Variants in APP observed in about 807,000 individuals in gnomAD.
APP encodes amyloid-beta precursor protein.
APP carries 31 observed loss-of-function variants against 101.4 expected under a neutral mutation model. The ratio of observed to expected loss-of-function variants is 0.31; its 90% CI spans 0.23 to 0.41. The LOEUF (loss-of-function observed/expected upper bound fraction) is 0.41. Ranked by LOEUF, APP falls within the 10% of genes least tolerant of loss-of-function variation. The probability of loss-of-function intolerance (pLI) is 1.00; values close to 1 mark genes in which losing one functional copy is unlikely to be tolerated. For missense variants in APP, 839 were observed against 1,003.7 expected, an observed-to-expected ratio of 0.84 and a Z score of 2.22; for synonymous variants, 366 against 364.4, an observed-to-expected ratio of 1.00 and a Z score of -0.05.
intron 6 of APP, among the ~76,000 whole-genome samples, chr21:26,010,790 C>T (rs1390370370): frequency 3.2e-5 from 4 of 124,090 alleles, no homozygotes; most frequent in Non-Finnish European, 6.4e-5. Flanking sequence ...CACTGCCTTC[C>T]AGCCTGGGTG....
chr21:25,933,792 T>C (rs558936885), intron 13 of APP: 92 of 152,216 alleles, frequency 6.0e-4, no homozygotes, highest in African/African-American at 1.9e-3. Flanking sequence ...CAATTAAATG[T>C]TATTATTTTT....
intron 17 of APP, among the ~76,000 whole-genome samples, chr21:25,886,355 A>G (rs777431096): frequency 4.6e-5 from 7 of 152,036 alleles, no homozygotes; most frequent in Non-Finnish European, 1.0e-4. Flanking sequence ...AACATCAAGC[A>G]ATTCTTCAGG....
chr21:26,126,145 G>T (rs1458860625), intron 1 of APP, among the ~76,000 whole-genome samples: 1 of 152,160 alleles, frequency 6.6e-6, no homozygotes, highest in Non-Finnish European at 1.5e-5. Context: ...TCACAAACTT[G>T]TTCAAATAAA....
chr21:26,163,502 A>C (rs2063543904), intron 1 of APP, among the ~76,000 whole-genome samples: 1 of 152,256 alleles, frequency 6.6e-6, no homozygotes, highest in South Asian at 2.1e-4. Context: ...TGTTTGTCCT[A>C]TTTATTCCTC....
At chr21:26,108,777 G>C (rs534420430) in intron 2 of APP, among the ~76,000 whole-genome samples, 1 of 151,978 alleles carries the variant, frequency 6.6e-6, no homozygotes, top group Admixed American at 6.6e-5. Flanking sequence ...CCAGCTACTC[G>C]GGAGGCTGAG....
intron 14 of APP, among the ~76,000 whole-genome samples, chr21:25,906,570 C>G (rs2038801317): frequency 6.6e-6 from 1 of 152,232 alleles, no homozygotes. Flanking sequence ...TGACTATTCT[C>G]TAGTATTTCA....
rs546970594 is a variant in APP, at chr21:25,970,829, C to T, written c.1458+4241G>A. 1.2e-4 allele frequency among the ~76,000 whole-genome samples: 18 copies of T among 152,158 alleles called. No homozygotes were observed. In the South Asian group the frequency reaches 3.5e-3, roughly 30 times the overall value. ...AGTATCTTACGTCTTGGAAGAATGCCACGAGCTCTTTAACGGCTCCTCATG... is the reference window on the plus strand; with the variant it reads ...AGTATCTTACGTCTTGGAAGAATGCTACGAGCTCTTTAACGGCTCCTCATG... On this transcript the variant is annotated intron_variant, in intron 11 of 17. Transcript: ENST00000346798.
chr21:26,112,682 ATT>A, intron 1 of APP, among the ~76,000 whole-genome samples: 1 of 152,322 alleles, frequency 6.6e-6, no homozygotes, highest in East Asian at 1.9e-4. Context: ...TCACTGTAGA[ATT>A]CACCATCCAC....
At chr21:25,967,203 ATTT>A (rs1003613568) in intron 11 of APP, among the ~76,000 whole-genome samples, 1 of 150,054 alleles carries the variant, frequency 6.7e-6, no homozygotes, top group Non-Finnish European at 1.5e-5. Flanking sequence ...AACTGCCAAC[ATTT>A]TTTTTTTGCT....
At chr21:25,970,641 T>C (rs558085155) in intron 11 of APP, among the ~76,000 whole-genome samples, 10 of 152,296 alleles carry the variant, frequency 6.6e-5, no homozygotes, top group Admixed American at 5.2e-4. Context: ...CTAATATGAA[T>C]ATTCTTTTTC....
intron 1 of APP, among the ~76,000 whole-genome samples, chr21:26,142,129 G>A (rs2063059289): frequency 1.3e-5 from 2 of 152,166 alleles, no homozygotes; most frequent in Non-Finnish European, 2.9e-5. Flanking sequence ...ACCATTTAAG[G>A]TGATAACGCT....
chr21:26,032,386 G>T (rs2044869107), intron 5 of APP, among the ~76,000 whole-genome samples: 1 of 152,132 alleles, frequency 6.6e-6, no homozygotes, highest in South Asian at 2.1e-4. Flanking sequence ...CCAGTTAATT[G>T]TATGTTCTAG....
intron 1 of APP, among the ~76,000 whole-genome samples, chr21:26,113,196 A>C (rs1303981719): frequency 6.6e-6 from 1 of 152,192 alleles, no homozygotes; most frequent in African/African-American, 2.4e-5. Flanking sequence ...AATGTGAGAC[A>C]CCCATGCCAA....
chr21:26,168,020 C>T (rs1009304081), intron 1 of APP, among the ~76,000 whole-genome samples: 3 of 151,958 alleles, frequency 2.0e-5, no homozygotes, highest in African/African-American at 7.3e-5. Context: ...ATTAGCACTA[C>T]CACAAAGGTA....
intron 1 of APP, chr21:26,140,286 G>C: frequency 6.5e-7 from 1 of 1,535,242 alleles, no homozygotes; most frequent in Non-Finnish European, 8.7e-7. Context: ...TAACTGCAGT[G>C]ACCACAACTT....
intron 5 of APP, among the ~76,000 whole-genome samples, chr21:26,045,666 T>C (rs970942917): frequency 1.3e-5 from 2 of 152,182 alleles, no homozygotes; most frequent in Non-Finnish European, 2.9e-5. Context: ...GGCCTGGTTT[T>C]CTGGTGTAGT....
At chr21:26,098,081 GAAAAAAAAA>G (rs757879199) in intron 2 of APP, among the ~76,000 whole-genome samples, 27 of 54,382 alleles carry the variant, frequency 5.0e-4, no homozygotes, top group African/African-American at 1.5e-3. Context: ...CTCTGTCTCA[GAAAAAAAAA>G]AAAAAAAAAA....
At chr21:26,024,880 T>A (rs1435610863) in intron 5 of APP, among the ~76,000 whole-genome samples, 1 of 152,234 alleles carries the variant, frequency 6.6e-6, no homozygotes, top group Non-Finnish European at 1.5e-5. Context: ...AAGTTTAGCA[T>A]GTGGCTAAAG....
intron 2 of APP, among the ~76,000 whole-genome samples, chr21:26,108,136 C>G (rs1404243978): frequency 6.6e-6 from 1 of 152,182 alleles, no homozygotes; most frequent in Non-Finnish European, 1.5e-5. Context: ...GCACAGAGAA[C>G]AGCACTGTTC....
Sources: gnomAD v4.1 joint callset for allele counts (sites outside exome capture counted in the v4.1 genomes callset) on GRCh38, gnomAD v4.1.1 for gene constraint, MANE v1.5 for transcripts, NCBI Gene and HGNC (gene_info 2026-07-23, HGNC 2026-07-21) for gene names.